Variants in STARD13 observed in about 807,000 individuals in gnomAD.
STARD13 encodes the protein stAR-related lipid transfer protein 13.
Under a neutral mutation model 106.4 loss-of-function variants are expected in STARD13, and 62 were observed. The ratio of observed to expected loss-of-function variants is 0.58; its 90% CI spans 0.48 to 0.72. The LOEUF is 0.72. STARD13 is among the 30% of genes least tolerant of loss of function. The probability of loss-of-function intolerance (pLI) is 0.00; values close to 1 mark genes in which losing one functional copy is unlikely to be tolerated. For missense variants in STARD13, 1,387 were observed against 1,424.0 expected, an observed-to-expected ratio of 0.97 and a Z score of 0.42; for synonymous variants, 565 against 553.0, an observed-to-expected ratio of 1.02 and a Z score of -0.31.
At chr13:33,515,046 T>G in the STARD13 span, among the ~76,000 whole-genome samples, 1 of 152,078 alleles carries the variant, frequency 6.6e-6, no homozygotes, top group Non-Finnish European at 1.5e-5. Flanking sequence ...GAGGAGGTGA[T>G]GTAGAGTAAA....
At chr13:33,585,724 A>G in the STARD13 span, among the ~76,000 whole-genome samples, 2 of 152,244 alleles carry the variant, frequency 1.3e-5, no homozygotes, top group Admixed American at 6.5e-5. Context: ...ATACATATAT[A>G]CATACAATGG....
chr13:33,526,118 T>C, the STARD13 span, among the ~76,000 whole-genome samples: 3 of 152,082 alleles, frequency 2.0e-5, no homozygotes, highest in African/African-American at 4.8e-5. Context: ...TGATAGTTAC[T>C]GCTGTGTACT....
the STARD13 span, among the ~76,000 whole-genome samples, chr13:33,447,405 AC>A: frequency 6.6e-6 from 1 of 152,266 alleles, no homozygotes; most frequent in Non-Finnish European, 1.5e-5. Flanking sequence ...CTCTTTTCCA[AC>A]CATGAAACTG....
intron 1 of STARD13, among the ~76,000 whole-genome samples, chr13:33,349,881 G>A (rs539842777): frequency 6.6e-6 from 1 of 152,366 alleles, no homozygotes; most frequent in East Asian, 1.9e-4. Flanking sequence ...GTCCCACGTG[G>A]AGAAGGCGAA....
chr13:33,509,094 A>G, the STARD13 span, among the ~76,000 whole-genome samples: 3 of 152,206 alleles, frequency 2.0e-5, no homozygotes, highest in Non-Finnish European at 4.4e-5. Flanking sequence ...CTAAAACATC[A>G]TTATGCAATG....
the STARD13 span, among the ~76,000 whole-genome samples, chr13:33,633,855 A>G: frequency 1.3e-5 from 2 of 152,236 alleles, no homozygotes; most frequent in African/African-American, 4.8e-5. Context: ...GAGTAGGCAC[A>G]GTGGAGGGCT....
At chr13:33,318,433 C>T (rs1893425086) in intron 1 of STARD13, among the ~76,000 whole-genome samples, 1 of 152,014 alleles carries the variant, frequency 6.6e-6, no homozygotes, top group East Asian at 1.9e-4. Flanking sequence ...CAAATAAACT[C>T]AAAATGAATC....
chr13:33,410,598 G>A, the STARD13 span, among the ~76,000 whole-genome samples: 1 of 152,268 alleles, frequency 6.6e-6, no homozygotes, highest in Middle Eastern at 3.4e-3. Flanking sequence ...TTGGAGAAGG[G>A]TCTTCTCCTA....
intron 1 of STARD13, among the ~76,000 whole-genome samples, chr13:33,325,983 T>TAAAA (rs59403273): frequency 4.2e-4 from 40 of 96,168 alleles, no homozygotes; most frequent in South Asian, 2.6e-3. Flanking sequence ...AGACTCCGTT[T>TAAAA]AAAAAAAAAA....
chr13:33,548,443 A>T, the STARD13 span, among the ~76,000 whole-genome samples: 4 of 152,184 alleles, frequency 2.6e-5, no homozygotes, highest in African/African-American at 9.6e-5. Flanking sequence ...GTTTGATGAA[A>T]TGGACTGAAG....
the STARD13 span, among the ~76,000 whole-genome samples, chr13:33,504,618 G>C: frequency 2.1e-3 from 236 of 114,820 alleles, 1 homozygote; most frequent in Non-Finnish European, 2.8e-3. Context: ...GGTGGGGGGA[G>C]GGGAGAGGGA....
the STARD13 span, among the ~76,000 whole-genome samples, chr13:33,584,121 A>G: frequency 2.6e-5 from 4 of 152,224 alleles, no homozygotes; most frequent in African/African-American, 9.6e-5. Flanking sequence ...ATCTTTGCCA[A>G]CACTTGTTAT....
chr13:33,168,616 G>C (rs1267776355), intron 1 of STARD13, among the ~76,000 whole-genome samples: 1 of 152,202 alleles, frequency 6.6e-6, no homozygotes, highest in African/African-American at 2.4e-5. Flanking sequence ...TCCGCTGTTA[G>C]GATGGGTCCC....
chr13:33,622,453 C>T, the STARD13 span, among the ~76,000 whole-genome samples: 1 of 151,814 alleles, frequency 6.6e-6, no homozygotes, highest in Non-Finnish European at 1.5e-5. Flanking sequence ...GCCTGGCCAA[C>T]ATGTCGAAGC....
chr13:33,179,685 C>T (rs1024052188), intron 1 of STARD13, among the ~76,000 whole-genome samples: 3 of 152,142 alleles, frequency 2.0e-5, no homozygotes, highest in African/African-American at 4.8e-5. Flanking sequence ...GTCTCTAAAC[C>T]AAGCAGGGAT....
At chr13:33,198,643 T>G (rs1174679716) in intron 1 of STARD13, among the ~76,000 whole-genome samples, 1 of 152,188 alleles carries the variant, frequency 6.6e-6, no homozygotes, top group African/African-American at 2.4e-5. Context: ...ATTCACTCTC[T>G]GTCTTCTCCA....
chr13:33,290,793 G>C (rs1037619935), intron 1 of STARD13, among the ~76,000 whole-genome samples: 1 of 152,178 alleles, frequency 6.6e-6, no homozygotes, highest in Non-Finnish European at 1.5e-5. Context: ...CTACACCCAC[G>C]CACTCCAGCC....
chr13:33,428,125 T>C, the STARD13 span, among the ~76,000 whole-genome samples: 1 of 152,120 alleles, frequency 6.6e-6, no homozygotes, highest in Non-Finnish European at 1.5e-5. Flanking sequence ...GATATACACA[T>C]GCAGAAGAAT....
chr13:33,430,618 G>GTTGA, the STARD13 span, among the ~76,000 whole-genome samples: 4 of 152,178 alleles, frequency 2.6e-5, no homozygotes, highest in Admixed American at 6.5e-5. Flanking sequence ...CAAGATATCT[G>GTTGA]CAGTCCCATG....
Sources: gnomAD v4.1 joint callset for allele counts (sites outside exome capture counted in the v4.1 genomes callset) on GRCh38, gnomAD v4.1.1 for gene constraint, MANE v1.5 for transcripts, NCBI Gene and HGNC (gene_info 2026-07-23, HGNC 2026-07-21) for gene names.